The following FAM117A variants were observed in gnomAD, a reference collection of about 807,000 sequenced individuals.
FAM117A encodes the protein protein FAM117A.
In FAM117A, 21 loss-of-function variants were observed where a neutral mutation model predicts 44.1. The ratio of observed to expected loss-of-function variants is 0.48; its 90% CI spans 0.34 to 0.69. The LOEUF is 0.69. FAM117A is among the 30% of genes least tolerant of loss of function. The probability of loss-of-function intolerance (pLI) is 0.01; values close to 1 mark genes in which losing one functional copy is unlikely to be tolerated. For synonymous variants in FAM117A, 220 were observed against 238.3 expected (o/e 0.92, Z 0.71); for missense variants, 498 against 589.9 (o/e 0.84, Z 1.61).
At chr17:49,772,262 A>C (rs1182366430) in intron 1 of FAM117A, among the ~76,000 whole-genome samples, 1 of 151,494 alleles carries the variant, frequency 6.6e-6, no homozygotes, top group Non-Finnish European at 1.5e-5. Context: ...ACTACATTCT[A>C]GCCTGGGCAA....
intron 2 of FAM117A, among the ~76,000 whole-genome samples, chr17:49,724,917 C>T (rs1311329407): frequency 1.3e-5 from 2 of 152,016 alleles, no homozygotes; most frequent in East Asian, 3.9e-4. Flanking sequence ...CATCTCCTCT[C>T]TCAATCCAAG....
rs923145410 is a variant in FAM117A at position 49,725,335 on chromosome 17, C to T, written c.367-2741G>A. Among the ~76,000 whole-genome samples the T allele has an allele frequency of 2.6e-5, 4 of 152,176 alleles. No individual in the cohort carries two copies. The South Asian group carries it at 6.2e-4, about 24-fold the overall frequency. ...AGTGGCTGAATGTACACTGTGTGCCCGGTACTGTTTCAGGCACTGGCCATA... is the reference window on the plus strand; with the variant it reads ...AGTGGCTGAATGTACACTGTGTGCCTGGTACTGTTTCAGGCACTGGCCATA... On this transcript the variant is annotated intron_variant, in intron 2 of 7. Coordinates refer to ENST00000240364, the MANE Select transcript of FAM117A (RefSeq NM_030802.4).
At chr17:49,718,228 A>G (rs1458966098) in intron 5 of FAM117A, among the ~76,000 whole-genome samples, 1 of 152,280 alleles carries the variant, frequency 6.6e-6, no homozygotes, top group Non-Finnish European at 1.5e-5. Flanking sequence ...AATTATGTGC[A>G]TGTGTTTGGG....
intron 1 of FAM117A, among the ~76,000 whole-genome samples, chr17:49,788,168 C>T (rs1470663589): frequency 6.6e-6 from 1 of 152,204 alleles, no homozygotes; most frequent in Non-Finnish European, 1.5e-5. Context: ...AACTTGATGG[C>T]GGACGCTATC....
At chr17:49,759,573 C>T (rs566678271) in intron 1 of FAM117A, among the ~76,000 whole-genome samples, 6 of 152,316 alleles carry the variant, frequency 3.9e-5, no homozygotes, top group Admixed American at 2.0e-4. Context: ...TGGCATAGAA[C>T]GGTTGGAAAT....
intron 1 of FAM117A, among the ~76,000 whole-genome samples, chr17:49,742,251 G>T (rs907987144): frequency 6.6e-6 from 1 of 152,142 alleles, no homozygotes; most frequent in African/African-American, 2.4e-5. Context: ...AGCATTTCTG[G>T]CTGTGTGTCC....
Position 49,711,113 on chromosome 17 carries a change from A to G in FAM117A, c.*142T>C. ...CCGGTGCCCATCAAAAAGAGGACCC[A>G]GGGCTTTGACACAGTAAGTGAAAGA... On this transcript the variant is annotated 3_prime_UTR_variant, in exon 8 of 8. Coordinates refer to ENST00000240364, the MANE Select transcript of FAM117A (RefSeq NM_030802.4). 1.3e-6 allele frequency: 1 copy of G among 790,124 alleles called. No individual in the cohort carries two copies. The allele number at this position is 790,124 out of a possible 1,614,324, so 48.9% of individuals were successfully genotyped here.
chr17:49,740,820 A>C (rs1039233383), intron 1 of FAM117A, among the ~76,000 whole-genome samples: 3 of 152,204 alleles, frequency 2.0e-5, no homozygotes, highest in African/African-American at 7.2e-5. Flanking sequence ...ACAGGTACCT[A>C]AAGGAGAAGG....
chr17:49,749,752 G>A (rs1457023008), intron 1 of FAM117A, among the ~76,000 whole-genome samples: 2 of 148,040 alleles, frequency 1.4e-5, no homozygotes, highest in African/African-American at 2.4e-5. Context: ...GTCAATGTGA[G>A]GCGTGGACTG....
At chr17:49,783,955 G>A (rs2073797833) in intron 1 of FAM117A, among the ~76,000 whole-genome samples, 1 of 152,216 alleles carries the variant, frequency 6.6e-6, no homozygotes, top group South Asian at 2.1e-4. Flanking sequence ...TTTCCTAGCT[G>A]AGTCAACAAC....
chr17:49,772,864 T>C (rs1858802300), intron 1 of FAM117A, among the ~76,000 whole-genome samples: 1 of 151,998 alleles, frequency 6.6e-6, no homozygotes, highest in African/African-American at 2.4e-5. Flanking sequence ...CAGAGCTTAT[T>C]TTCAGAGTTG....
chr17:49,769,437 G>A (rs1054748084), intron 1 of FAM117A, among the ~76,000 whole-genome samples: 3 of 152,282 alleles, frequency 2.0e-5, no homozygotes, highest in Admixed American at 6.5e-5. Flanking sequence ...GGTGGCTCAC[G>A]CCTGTAATCC....
intron 1 of FAM117A, among the ~76,000 whole-genome samples, chr17:49,739,410 C>A (rs2073623672): frequency 6.6e-6 from 1 of 152,156 alleles, no homozygotes; most frequent in African/African-American, 2.4e-5. Flanking sequence ...GAATACAAAG[C>A]TGCTTGCAGA....
chr17:49,740,842 TAGA>T (rs1348485742), intron 1 of FAM117A, among the ~76,000 whole-genome samples: 2 of 152,138 alleles, frequency 1.3e-5, no homozygotes, highest in Non-Finnish European at 2.9e-5. Flanking sequence ...TGACAGCTCT[TAGA>T]AGAAGGGCAG....
At chr17:49,725,925 G>A (rs2073557447) in intron 2 of FAM117A, among the ~76,000 whole-genome samples, 1 of 152,182 alleles carries the variant, frequency 6.6e-6, no homozygotes, top group Admixed American at 6.5e-5. Context: ...GACCACAGAG[G>A]CAGAGACTCG....
chr17:49,755,367 C>G (rs1368044732), intron 1 of FAM117A, among the ~76,000 whole-genome samples: 2 of 152,202 alleles, frequency 1.3e-5, no homozygotes, highest in Non-Finnish European at 2.9e-5. Flanking sequence ...CCTCCATCTT[C>G]TTGCTACACA....
rs531728024 is a variant in FAM117A at position 49,762,962 on chromosome 17, T to C, written c.196+930A>G. Among the ~76,000 whole-genome samples the C allele has an allele frequency of 8.5e-5, 13 of 152,304 alleles. No homozygotes were observed. In the East Asian group the frequency reaches 2.5e-3, roughly 29 times the overall value. Reference sequence around the variant, plus strand: ...TGTTATTAAGAACCCATTTCAGTGCTGTTCAGAAAGTGGGGTACTTGCCAC... The same window carrying C: ...TGTTATTAAGAACCCATTTCAGTGCCGTTCAGAAAGTGGGGTACTTGCCAC... On this transcript the variant is annotated intron_variant, in intron 1 of 7. Coordinates refer to ENST00000240364, the MANE Select transcript of FAM117A (RefSeq NM_030802.4).
At chr17:49,763,467 C>T (rs1354196778) in intron 1 of FAM117A, among the ~76,000 whole-genome samples, 1 of 151,750 alleles carries the variant, frequency 6.6e-6, no homozygotes, top group East Asian at 1.9e-4. Flanking sequence ...TGCCCCTCCC[C>T]CTCCCCGTGC....
At chr17:49,786,142 T>C (rs1598041156) in intron 1 of FAM117A, among the ~76,000 whole-genome samples, 2 of 152,338 alleles carry the variant, frequency 1.3e-5, no homozygotes, top group East Asian at 1.9e-4. Flanking sequence ...CTTATGATCA[T>C]GTTTCTATCC....
Sources: allele counts gnomAD v4.1 joint callset (sites outside exome capture counted in the v4.1 genomes callset), GRCh38; gene constraint gnomAD v4.1.1; transcripts MANE v1.5; gene names NCBI Gene and HGNC (gene_info 2026-07-23, HGNC 2026-07-21).